The following ROS1 variants were observed in gnomAD, a reference collection of about 807,000 sequenced individuals.
ROS1 encodes proto-oncogene tyrosine-protein kinase ROS.
A neutral mutation model predicts 273.5 loss-of-function variants in ROS1; 263 were observed. The observed-to-expected ratio is 0.96, with a 90% confidence interval of 0.87 to 1.06. The LOEUF (loss-of-function observed/expected upper bound fraction) is 1.06, where lower values mean the gene tolerates loss of function less well. Among genes scored for constraint, ROS1 ranks in the 50% least tolerant of loss-of-function variants. ROS1 has a pLI of 0.00. For synonymous variants in ROS1, 1,008 were observed against 954.1 expected, an observed-to-expected ratio of 1.06 and a Z score of -1.04; for missense variants, 2,833 against 2,751.1, an observed-to-expected ratio of 1.03 and a Z score of -0.67.
intron 32 of ROS1, among the ~76,000 whole-genome samples, chr6:117,330,832 C>A (rs1041909218): frequency 2.0e-5 from 3 of 152,112 alleles, no homozygotes; most frequent in African/African-American, 7.2e-5. Context: ...AAAACCCATA[C>A]AAGGGTCAGC....
At chr6:117,362,179 T>C (rs1056905911) in intron 22 of ROS1, among the ~76,000 whole-genome samples, 1 of 152,254 alleles carries the variant, frequency 6.6e-6, no homozygotes, top group African/African-American at 2.4e-5. Context: ...GAGAAAGTTG[T>C]GAAAGTGTCC....
chr6:117,338,574 C>T (rs1777657243), intron 31 of ROS1, among the ~76,000 whole-genome samples: 1 of 151,562 alleles, frequency 6.6e-6, no homozygotes, highest in African/African-American at 2.4e-5. Context: ...ATGGTTCTGT[C>T]TCCTTCATTA....
intron 7 of ROS1, among the ~76,000 whole-genome samples, chr6:117,402,264 A>T (rs1373602836): frequency 6.6e-6 from 1 of 152,108 alleles, no homozygotes; most frequent in African/African-American, 2.4e-5. Context: ...TTGCTCCTTG[A>T]TCAGGCCACA....
At chr6:117,321,895 C>T (rs1272697443) in intron 35 of ROS1, among the ~76,000 whole-genome samples, 1 of 141,380 alleles carries the variant, frequency 7.1e-6, no homozygotes, top group African/African-American at 2.7e-5. Context: ...TACACATACT[C>T]GAATATGTAG....
In ROS1 at chr6:117,387,952, T is replaced by C. The variant is rs1642462333; in HGVS notation, c.1827A>G (p.Val609=). The C allele has an allele frequency of 6.2e-7, 1 of 1,614,150 alleles. No homozygotes were observed. Among genetic ancestry groups the C allele is most frequent in the Non-Finnish European group, 8.5e-7 (1 of 1,179,978 alleles). ...TGACTTCAGGAGGGTCTTGGGTGGATACTTTCACCTCATAGGTCCAGTTCT... is the reference window on the plus strand; with the variant it reads ...TGACTTCAGGAGGGTCTTGGGTGGACACTTTCACCTCATAGGTCCAGTTCT... ...AWQNWTYEVK[V]STQDPPEVTH... Residue 609 remains valine, a synonymous_variant, in exon 14 of 44, where the codon GTA becomes GTG. Transcript: ENST00000368507.
At chr6:117,309,086 A>G (rs1775336771) in intron 41 of ROS1, among the ~76,000 whole-genome samples, 158 bp from the exon 42 acceptor site, 2 of 152,208 alleles carry the variant, frequency 1.3e-5, no homozygotes, top group African/African-American at 4.8e-5. Flanking sequence ...AAGCAGGCTG[A>G]CAAGAAAAAG....
intron 35 of ROS1, 72 bp downstream of exon 35, chr6:117,324,260 T>C (rs965836014): frequency 1.3e-6 from 1 of 746,792 alleles, no homozygotes. Context: ...TTAGATCAAC[T>C]AAGAGATAAA....
At chr6:117,324,764 G>A (rs544637542) in intron 34 of ROS1, among the ~76,000 whole-genome samples, 1 of 152,130 alleles carries the variant, frequency 6.6e-6, no homozygotes, top group Admixed American at 6.6e-5. Context: ...TTATTATTTT[G>A]TATAATATCT....
intron 43 of ROS1, 86 bp downstream of exon 43, chr6:117,300,888 A>G: frequency 9.0e-7 from 1 of 1,115,770 alleles, no homozygotes; most frequent in South Asian, 2.2e-5. Context: ...TGCCTACCCC[A>G]AAATGCTTTC....
rs773896715 is a variant in ROS1 at position 117,310,120 on chromosome 6, C to A, written c.6377G>T (p.Ser2126Ile). 7 of 1,613,472 alleles carry A rather than the reference C, an allele frequency of 4.3e-6. No homozygotes were observed. The African/African-American group carries it at 8.0e-5, about 18-fold the overall frequency. The change falls in exon 41 of 44, where the codon AGT becomes ATT. Residue 2126 changes from serine (S) to isoleucine (I), a missense_variant. Transcript: ENST00000368507. ...AGTAGTGAAGATTCCATCCATCAAACTTTCTGGAGCCATCCACCGAACTGG... is the reference window on the plus strand; with the variant it reads ...AGTAGTGAAGATTCCATCCATCAAAATTTCTGGAGCCATCCACCGAACTGG... Reference protein sequence around the residue: ...LLPVRWMAPESLMDGIFTTQS... With the variant: ...LLPVRWMAPEILMDGIFTTQS...
At chr6:117,410,758 C>T (rs1774838367) in intron 4 of ROS1, among the ~76,000 whole-genome samples, 1 of 152,164 alleles carries the variant, frequency 6.6e-6, no homozygotes, top group South Asian at 2.1e-4. Context: ...AGAGCTATAA[C>T]TTGCAAACAT....
Position 117,311,108 on chromosome 6 carries a change from G to C in ROS1, c.6127C>G (p.Pro2043Ala), listed in dbSNP as rs2128550067. The change falls in exon 40 of 44, where the codon CCT becomes GCT. Residue 2043 changes from proline (P) to alanine (A), a missense_variant. Transcript: ENST00000368507. The stretch of plus-strand genomic sequence containing the variant: ...ACAAGGTCAACCAAGGTGAGTAAAG[G>C]ACCATAAAACTGTAAGAAATGAAAG... ...RKARMATFYGPLLTLVDLVDL... is the reference protein window; with the variant it reads ...RKARMATFYGALLTLVDLVDL... The C allele has an allele frequency of 6.2e-7, 1 of 1,603,072 alleles. No homozygotes were observed. Among genetic ancestry groups the C allele is most frequent in the Non-Finnish European group, 8.5e-7 (1 of 1,173,736 alleles).
intron 24 of ROS1, 125 bp downstream of exon 24, chr6:117,359,684 C>A: frequency 1.3e-6 from 1 of 753,088 alleles, no homozygotes; most frequent in Non-Finnish European, 2.2e-6. Context: ...AATAATTATA[C>A]AATATCTGTC....
intron 32 of ROS1, among the ~76,000 whole-genome samples, chr6:117,332,138 G>A (rs1777121501): frequency 6.7e-6 from 1 of 148,638 alleles, no homozygotes; most frequent in South Asian, 2.1e-4. Context: ...TAAAGGGATT[G>A]AGGAAAATTT....
intron 8 of ROS1, 146 bp from the exon 9 acceptor site, chr6:117,396,410 A>G (rs1459145516): frequency 7.7e-6 from 5 of 650,674 alleles, no homozygotes; most frequent in Non-Finnish European, 1.4e-5. Flanking sequence ...CTCAGCACCG[A>G]AATGACCATC....
intron 27 of ROS1, among the ~76,000 whole-genome samples, chr6:117,347,999 T>C (rs1032357231): frequency 1.3e-5 from 2 of 152,090 alleles, no homozygotes; most frequent in African/African-American, 4.8e-5. Flanking sequence ...TTGCAATTCT[T>C]GCAATATTCA....
chr6:117,404,162 A>C (rs1397416253), intron 6 of ROS1, 118 bp downstream of exon 6: 1 of 904,124 alleles, frequency 1.1e-6, no homozygotes, highest in African/African-American at 1.7e-5. Flanking sequence ...CGGAGCTTGC[A>C]GTAAGCTGAG....
chr6:117,418,958 T>C (rs1411867780), intron 1 of ROS1, among the ~76,000 whole-genome samples: 1 of 152,186 alleles, frequency 6.6e-6, no homozygotes, highest in Non-Finnish European at 1.5e-5. Flanking sequence ...TTTTTTATAC[T>C]GGAGGAAAAT....
intron 42 of ROS1, among the ~76,000 whole-genome samples, chr6:117,307,630 T>G (rs984875158): frequency 1.3e-5 from 2 of 152,136 alleles, no homozygotes; most frequent in African/African-American, 4.8e-5. Flanking sequence ...GTCAGATGTG[T>G]GTGTATCTGA....
Sources: gnomAD v4.1 joint callset for allele counts (sites outside exome capture counted in the v4.1 genomes callset) on GRCh38, gnomAD v4.1.1 for gene constraint, MANE v1.5 for transcripts, NCBI Gene and HGNC (gene_info 2026-07-23, HGNC 2026-07-21) for gene names.